The following ARL5B variants were observed in gnomAD, a reference collection of about 807,000 sequenced individuals.
ARL5B encodes the protein ADP-ribosylation factor-like protein 5B.
A neutral mutation model predicts 26.9 loss-of-function variants in ARL5B; 10 were observed. The observed-to-expected ratio is 0.37, with a 90% CI of 0.23 to 0.63. ARL5B has a LOEUF of 0.63. ARL5B is among the 30% of genes least tolerant of loss of function. The probability of loss-of-function intolerance (pLI) is 0.62; values close to 1 mark genes in which losing one functional copy is unlikely to be tolerated. For synonymous variants in ARL5B, 87 were observed against 70.4 expected (o/e 1.24, Z -1.18); for missense variants, 167 against 213.9 (o/e 0.78, Z 1.37).
rs2059862691 is a variant in ARL5B, at chr10:18,666,703, A to T, written c.107+68A>T. 1.3e-5 allele frequency: 17 copies of T among 1,298,406 alleles called. No individual in the cohort carries two copies. In the South Asian group the frequency reaches 2.6e-4, roughly 20 times the overall value. 80.4% of individuals were successfully genotyped at this position (1,298,406 alleles called of 1,614,324 possible). A position where few individuals can be genotyped will look rare whatever the true frequency, so the allele number is the denominator to read the frequency against. ...AACTAATGTGTTTACAATTAATAAG[A>T]GATGCATTATAATAATGACGGAAAA... On this transcript the variant is annotated intron_variant, in intron 2 of 5. Coordinates refer to ENST00000377275, the MANE Select transcript of ARL5B (RefSeq NM_178815.5).
chr10:18,666,706 T>C, intron 2 of ARL5B, 71 bp downstream of exon 2: 2 of 1,269,402 alleles, frequency 1.6e-6, no homozygotes, highest in Non-Finnish European at 1.1e-6. Flanking sequence ...TAATAAGAGA[T>C]GCATTATAAT....
At chr10:18,670,710 G>C (rs904014222) in intron 3 of ARL5B, among the ~76,000 whole-genome samples, 4 of 152,222 alleles carry the variant, frequency 2.6e-5, no homozygotes, top group Admixed American at 2.6e-4. Flanking sequence ...GTTAACTCCA[G>C]CTGTGAAAAG....
chr10:18,667,676 G>A (rs912524455), intron 2 of ARL5B, among the ~76,000 whole-genome samples: 3 of 151,722 alleles, frequency 2.0e-5, no homozygotes, highest in African/African-American at 7.3e-5. Flanking sequence ...AATACGAGGG[G>A]TATGAGCATC....
At position 18,667,455 on chromosome 10, in the gene ARL5B, A is replaced by T. The variant is rs1333933891; in HGVS notation, c.107+820A>T. Among the ~76,000 whole-genome samples, 7 of 152,208 alleles carry T rather than the reference A, an allele frequency of 4.6e-5. 1 individual carries two copies. Among genetic ancestry groups the T allele is most frequent in the African/African-American group, 7.2e-5 (3 of 41,462 alleles). On this transcript the variant is annotated intron_variant, in intron 2 of 5. Transcript: ENST00000377275. ...AAAACATTTTCATTCATTGGTGATT[A>T]TGTGTTTAAATATGAATTAGCTTTT... is the stretch of plus-strand genomic sequence containing the variant.
intron 3 of ARL5B, among the ~76,000 whole-genome samples, chr10:18,670,015 T>C (rs1318190449): frequency 7.2e-6 from 1 of 139,768 alleles, no homozygotes; most frequent in Admixed American, 7.1e-5. Flanking sequence ...AAAAAAAAAA[T>C]TGGAGTTGGA....
rs1239729090 is a variant in ARL5B at position 18,674,048 on chromosome 10, C to T, written c.404C>T (p.Ala135Val). 1.2e-6 allele frequency: 2 copies of T among 1,613,366 alleles called. No homozygotes were observed. Among genetic ancestry groups the T allele is most frequent in the African/African-American group, 1.3e-5 (1 of 74,858 alleles). ...CAGGATATGAAAGGGTGTATGACAG[C>T]AGCTGAAATCTCGAAATACCTCACC... ...NKQDMKGCMT[A>V]AEISKYLTLS... The change falls in exon 5 of 6, where the codon GCA (alanine) becomes GTA (valine). Residue 135 changes from alanine to valine, a missense_variant. Ala to Val is a moderately conservative substitution (Grantham distance 64). Transcript: ENST00000377275.
chr10:18,674,098 T>C lies in ARL5B; in HGVS notation c.454T>C (p.Trp152Arg). 6.2e-7 allele frequency: 1 copy of C among 1,612,846 alleles called. No individual in the cohort carries two copies. Among genetic ancestry groups the C allele is most frequent in the Non-Finnish European group, 8.5e-7 (1 of 1,179,362 alleles). Residue 152 changes from tryptophan (W) to arginine (R), a missense_variant, in exon 5 of 6, where the codon TGG becomes CGG. Physicochemically the swap from Trp to Arg is moderately radical, Grantham distance 101 (BLOSUM62 -3). Transcript: ENST00000377275. ...LTLSSIKDHP[W>R]HIQSCCALTG... ...CCTTAGTTCAATTAAGGATCATCCA[T>C]GGCACATTCAATCCTGCTGTGCTCT... is the stretch of plus-strand genomic sequence containing the variant.
At position 18,680,583 on chromosome 10, in the gene ARL5B, C is replaced by G. The variant is rs1317707415; in HGVS notation, c.*5367C>G. Reference sequence around the variant, plus strand: ...ATCATTTTAATCTTATATTTTCCCTCAGGAAATTTAGGGACTCTGAAGCCC... The same window carrying G: ...ATCATTTTAATCTTATATTTTCCCTGAGGAAATTTAGGGACTCTGAAGCCC... On this transcript the variant is annotated 3_prime_UTR_variant, in exon 6 of 6. Coordinates refer to ENST00000377275, the MANE Select transcript of ARL5B (RefSeq NM_178815.5). 6.6e-6 allele frequency: 1 copy of G among 152,064 alleles called. No individual in the cohort carries two copies. Among genetic ancestry groups the G allele is most frequent in the African/African-American group, 2.4e-5 (1 of 41,438 alleles). 9.4% of individuals were successfully genotyped at this position (152,064 alleles called of 1,614,324 possible). A position where few individuals can be genotyped will look rare whatever the true frequency, so the allele number is the denominator to read the frequency against.
chr10:18,661,646 A>G (rs930979030), intron 1 of ARL5B, among the ~76,000 whole-genome samples: 3 of 152,220 alleles, frequency 2.0e-5, no homozygotes, highest in Non-Finnish European at 2.9e-5. Context: ...AATAAACGAG[A>G]CAAACATGAA....
chr10:18,672,361 C>T (rs900896151), intron 3 of ARL5B, among the ~76,000 whole-genome samples: 5 of 152,104 alleles, frequency 3.3e-5, no homozygotes, highest in Admixed American at 6.5e-5. Flanking sequence ...ATTATGTATT[C>T]GGGCATCACT....
intron 1 of ARL5B, among the ~76,000 whole-genome samples, chr10:18,664,094 T>C (rs553602848): frequency 9.2e-5 from 14 of 151,800 alleles, no homozygotes; most frequent in African/African-American, 3.1e-4. Flanking sequence ...ACTAGGACTA[T>C]AGGCACCTGC....
At chr10:18,668,757 TA>T in intron 3 of ARL5B, 80 bp downstream of exon 3, 1 of 1,385,326 alleles carries the variant, frequency 7.2e-7, no homozygotes, top group Non-Finnish European at 9.6e-7. Context: ...CACCTGGGCG[TA>T]TTGACAGTTG....
intron 1 of ARL5B, among the ~76,000 whole-genome samples, chr10:18,663,444 T>G (rs551890019): frequency 9.2e-5 from 14 of 152,338 alleles, no homozygotes; most frequent in African/African-American, 3.4e-4. Flanking sequence ...TGTTATCATT[T>G]TGAACACTGG....
intron 2 of ARL5B, 62 bp downstream of exon 2, chr10:18,666,697 A>G (rs2059862682): frequency 7.5e-7 from 1 of 1,334,116 alleles, no homozygotes; most frequent in South Asian, 1.4e-5. Context: ...GTTTACAATT[A>G]ATAAGAGATG....
Position 18,664,429 on chromosome 10 carries a change from CTTTTTTTTTTT to C in ARL5B, c.47-2130_47-2120del, listed in dbSNP as rs140830487. On this transcript the variant is annotated intron_variant, in intron 1 of 5. Coordinates refer to ENST00000377275, the MANE Select transcript of ARL5B (RefSeq NM_178815.5). ...CTGTAACTGATAGTAACAGTAGTGT[CTTTTTTTTTTT>C]TTTTTTTTTTTTTTTGAGATGGAGT... is the stretch of plus-strand genomic sequence containing the variant. Among the ~76,000 whole-genome samples the C allele has an allele frequency of 1.9e-3, 125 of 67,246 alleles. 2 individuals are homozygous for C. The highest frequency in any genetic ancestry group is 6.8e-3 in the African/African-American group (118 of 17,424). 44.1% of individuals were successfully genotyped at this position (67,246 alleles called of 152,430 possible). A position where few individuals can be genotyped will look rare whatever the true frequency, so the allele number is the denominator to read the frequency against.
At chr10:18,666,811 C>G (rs1167825656) in intron 2 of ARL5B, among the ~76,000 whole-genome samples, 176 bp downstream of exon 2, 1 of 152,020 alleles carries the variant, frequency 6.6e-6, no homozygotes, top group Non-Finnish European at 1.5e-5. Context: ...TAAACATTTG[C>G]TAAACCCTTC....
rs1412462108 is a variant in ARL5B at position 18,681,328 on chromosome 10, A to G, written c.*6112A>G. On this transcript the variant is annotated 3_prime_UTR_variant, in exon 6 of 6. Transcript: ENST00000377275. ...TCACTTCTTGAAAATGGTTCAAAGCATGTTTTCCTGATGGTGGGATTGTTT... is the reference window on the plus strand; with the variant it reads ...TCACTTCTTGAAAATGGTTCAAAGCGTGTTTTCCTGATGGTGGGATTGTTT... 2 of 152,220 alleles carry G rather than the reference A, an allele frequency of 1.3e-5. No individual in the cohort carries two copies. Among genetic ancestry groups the G allele is most frequent in the African/African-American group, 4.8e-5 (2 of 41,478 alleles). The allele number at this position is 152,220 out of a possible 1,614,324, so 9.4% of individuals were successfully genotyped here.
chr10:18,660,718 GCA>G (rs1292383029), intron 1 of ARL5B, among the ~76,000 whole-genome samples: 1 of 151,982 alleles, frequency 6.6e-6, no homozygotes, highest in Non-Finnish European at 1.5e-5. Flanking sequence ...ATAGATACAG[GCA>G]CACACATGTG....
chr10:18,666,554 T>C (rs1319228491), intron 1 of ARL5B, 21 bp from the exon 2 acceptor site: 2 of 1,591,262 alleles, frequency 1.3e-6, no homozygotes, highest in South Asian at 2.3e-5. Flanking sequence ...TAAATGTTTA[T>C]GATTTGCTTT....
Sources: allele counts gnomAD v4.1 joint callset (sites outside exome capture counted in the v4.1 genomes callset), GRCh38; gene constraint gnomAD v4.1.1; transcripts MANE v1.5; gene names NCBI Gene and HGNC (gene_info 2026-07-23, HGNC 2026-07-21).